Variants in MACROD2 observed in about 807,000 individuals in gnomAD.
MACROD2 encodes ADP-ribose glycohydrolase MACROD2.
In MACROD2, 36 loss-of-function variants were observed where a neutral mutation model predicts 70.4. That is an observed-to-expected ratio of 0.51 (90% confidence interval 0.39 to 0.68). The LOEUF is 0.68. Among genes scored for constraint, MACROD2 ranks in the 30% least tolerant of loss-of-function variants. MACROD2 has a pLI of 0.00. For missense variants in MACROD2, 496 were observed against 538.4 expected (o/e 0.92, Z 0.78); for synonymous variants, 172 against 178.8 (o/e 0.96, Z 0.30).
At chr20:14,941,446 C>T (rs2074388954) in intron 5 of MACROD2, among the ~76,000 whole-genome samples, 1 of 152,022 alleles carries the variant, frequency 6.6e-6, no homozygotes, top group Non-Finnish European at 1.5e-5. Context: ...GTTGGTTGTC[C>T]TCCTTGATCT....
chr20:14,936,662 G>A (rs1461874293), intron 5 of MACROD2, among the ~76,000 whole-genome samples: 1 of 151,636 alleles, frequency 6.6e-6, no homozygotes, highest in Non-Finnish European at 1.5e-5. Context: ...ATAAAATGTT[G>A]CAATGGCCCC....
intron 4 of MACROD2, among the ~76,000 whole-genome samples, chr20:14,649,215 A>C (rs1029861204): frequency 6.6e-6 from 1 of 152,204 alleles, no homozygotes; most frequent in Non-Finnish European, 1.5e-5. Flanking sequence ...TTGTCCTGTC[A>C]TGGGTTCAGT....
chr20:14,386,537 G>A lies in MACROD2; in HGVS notation c.272-106942G>A, dbSNP rs1031516591. ...TCCCCTTAGTCAAAAGTGAACCCTC[G>A]CTGCTCTGAATTCATAGGACATCTG... On this transcript the variant is annotated intron_variant, in intron 3 of 17. Coordinates refer to ENST00000684519, the MANE Select transcript of MACROD2 (RefSeq NM_001351661.2). Among the ~76,000 whole-genome samples the A allele has an allele frequency of 2.6e-5, 4 of 152,040 alleles. No individual in the cohort carries two copies. In the East Asian group the frequency reaches 7.7e-4, roughly 29 times the overall value.
chr20:14,445,496 C>T (rs369834507), intron 3 of MACROD2, among the ~76,000 whole-genome samples: 11 of 152,146 alleles, frequency 7.2e-5, no homozygotes, highest in African/African-American at 2.7e-4. Context: ...AGATTACTGA[C>T]ACATTTCCCC....
intron 6 of MACROD2, among the ~76,000 whole-genome samples, chr20:15,274,402 T>C (rs62205196): frequency 0.16 from 23,919 of 152,230 alleles, 2,169 homozygotes; most frequent in Non-Finnish European, 0.2. Context: ...CTGAGAAATG[T>C]TAGAGCCTGT....
chr20:14,012,762 A>G (rs1338868910), intron 2 of MACROD2, among the ~76,000 whole-genome samples: 1 of 152,214 alleles, frequency 6.6e-6, no homozygotes, highest in African/African-American at 2.4e-5. Flanking sequence ...GTGATATGCA[A>G]TTTATTGGAG....
chr20:15,414,459 A>G (rs976799120), intron 6 of MACROD2, among the ~76,000 whole-genome samples: 4 of 152,246 alleles, frequency 2.6e-5, no homozygotes, highest in Admixed American at 6.5e-5. Flanking sequence ...TAAGCTGTAG[A>G]CGTGTCATGG....
At chr20:14,574,236 G>A (rs1980412868) in intron 4 of MACROD2, among the ~76,000 whole-genome samples, 1 of 152,098 alleles carries the variant, frequency 6.6e-6, no homozygotes, top group African/African-American at 2.4e-5. Flanking sequence ...CTTGGGCTCA[G>A]ACCTCTGCTA....
chr20:14,700,308 G>A (rs1295096659), intron 5 of MACROD2, among the ~76,000 whole-genome samples: 2 of 150,984 alleles, frequency 1.3e-5, no homozygotes, highest in Non-Finnish European at 2.9e-5. Flanking sequence ...ATTTTGCAAC[G>A]TGCCGTGTAG....
intron 2 of MACROD2, among the ~76,000 whole-genome samples, chr20:14,050,529 C>G (rs1310109829): frequency 2.3e-5 from 3 of 128,778 alleles, no homozygotes; most frequent in Admixed American, 7.6e-5. Flanking sequence ...TAGGAGAAAC[C>G]CAGGCCAGTT....
intron 5 of MACROD2, among the ~76,000 whole-genome samples, chr20:14,719,532 G>A (rs1222864903): frequency 7.2e-5 from 11 of 151,822 alleles, no homozygotes; most frequent in Non-Finnish European, 1.5e-4. Context: ...AAAGGGATGG[G>A]AATTTTGCAA....
intron 5 of MACROD2, among the ~76,000 whole-genome samples, chr20:15,204,210 G>C (rs986198978): frequency 3.3e-5 from 5 of 152,046 alleles, no homozygotes; most frequent in African/African-American, 9.7e-5. Flanking sequence ...TTCACAATTT[G>C]TTGTCCTGTA....
chr20:14,352,267 T>C (rs555635292), intron 3 of MACROD2: 2 of 152,274 alleles, frequency 1.3e-5, no homozygotes, highest in East Asian at 3.9e-4. Flanking sequence ...AGCTGGGCGT[T>C]TGTGTGCTTT....
intron 5 of MACROD2, chr20:14,905,929 A>G (rs2073953289): frequency 6.6e-6 from 1 of 151,976 alleles, no homozygotes; most frequent in Non-Finnish European, 1.5e-5. Flanking sequence ...ATGGGCAGCT[A>G]ATTCATTCTT....
chr20:14,893,211 G>C (rs1422921132), intron 5 of MACROD2: 1 of 151,930 alleles, frequency 6.6e-6, no homozygotes, highest in African/African-American at 2.4e-5. Flanking sequence ...ATGAACATTT[G>C]GGTTACTTCC....
At chr20:15,232,712 T>C (rs2076969627) in intron 6 of MACROD2, among the ~76,000 whole-genome samples, 1 of 152,074 alleles carries the variant, frequency 6.6e-6, no homozygotes, top group African/African-American at 2.4e-5. Flanking sequence ...ACCAGAACTC[T>C]AGACATTTAC....
chr20:15,252,944 G>T (rs1215371091), intron 6 of MACROD2, among the ~76,000 whole-genome samples: 1 of 152,194 alleles, frequency 6.6e-6, no homozygotes, highest in Non-Finnish European at 1.5e-5. Flanking sequence ...TGACTCTGTA[G>T]GTCCAAAATT....
chr20:15,566,406 G>A (rs1040648518), intron 8 of MACROD2, among the ~76,000 whole-genome samples: 3 of 152,032 alleles, frequency 2.0e-5, no homozygotes, highest in African/African-American at 7.2e-5. Flanking sequence ...GCTGAGGCAT[G>A]AGAATAGCTT....
chr20:15,764,102 A>G (rs2051482569), intron 8 of MACROD2, among the ~76,000 whole-genome samples: 1 of 152,238 alleles, frequency 6.6e-6, no homozygotes, highest in Non-Finnish European at 1.5e-5. Context: ...CTGCCATTCC[A>G]TAGAAGAGAA....
Sources: allele counts gnomAD v4.1 joint callset (sites outside exome capture counted in the v4.1 genomes callset), GRCh38; gene constraint gnomAD v4.1.1; transcripts MANE v1.5; gene names NCBI Gene and HGNC (gene_info 2026-07-23, HGNC 2026-07-21).